The following TBL1XR1 variants were observed in gnomAD, a reference collection of about 807,000 sequenced individuals.
TBL1XR1 encodes the protein TBL1X/Y related 1.
Under a neutral mutation model 66.9 loss-of-function variants are expected in TBL1XR1, and 5 were observed. The ratio of observed to expected loss-of-function variants is 0.07; its 90% CI spans 0.04 to 0.16. The LOEUF (loss-of-function observed/expected upper bound fraction) is 0.16, where lower values mean the gene tolerates loss of function less well. Among genes scored for constraint, TBL1XR1 ranks in the 10% least tolerant of loss-of-function variants. The pLI, the probability that TBL1XR1 is intolerant of heterozygous loss-of-function variation, is 1.00. For synonymous variants in TBL1XR1, 210 were observed against 206.0 expected, an observed-to-expected ratio of 1.02 and a Z score of -0.17; for missense variants, 238 against 623.2, an observed-to-expected ratio of 0.38 and a Z score of 6.58.
At chr3:177,055,708 G>A (rs1321903734) in intron 3 of TBL1XR1, among the ~76,000 whole-genome samples, 1 of 152,104 alleles carries the variant, frequency 6.6e-6, no homozygotes, top group African/African-American at 2.4e-5. Context: ...AGACATAGCA[G>A]TAAAATCCTT....
chr3:177,056,448 A>G (rs1717814298), intron 3 of TBL1XR1, among the ~76,000 whole-genome samples: 1 of 152,188 alleles, frequency 6.6e-6, no homozygotes, highest in African/African-American at 2.4e-5. Flanking sequence ...ATGCATCTCA[A>G]GGTACTGCAG....
At chr3:177,105,917 G>A (rs1724823319) in intron 1 of TBL1XR1, among the ~76,000 whole-genome samples, 2 of 152,032 alleles carry the variant, frequency 1.3e-5, no homozygotes, top group Admixed American at 6.6e-5. Context: ...CAGGAGAGTC[G>A]CTTCTTTCAA....
chr3:177,149,331 A>C lies in TBL1XR1; in HGVS notation c.-122+47790T>G, dbSNP rs12054257. On this transcript the variant is annotated intron_variant, in intron 1 of 15. Coordinates refer to ENST00000457928, the MANE Select transcript of TBL1XR1 (RefSeq NM_024665.7). ...TTCCCAGAAGCTTGGACTTAAATCT[A>C]TATCTCTAGCACTCCCCCAATGACT... 2.0e-5 allele frequency among the ~76,000 whole-genome samples: 3 copies of C among 152,040 alleles called. No individual in the cohort carries two copies. The South Asian group carries it at 6.2e-4, about 31-fold the overall frequency.
intron 2 of TBL1XR1, among the ~76,000 whole-genome samples, chr3:177,082,303 A>T (rs1275297113): frequency 6.6e-6 from 1 of 152,136 alleles, no homozygotes; most frequent in Non-Finnish European, 1.5e-5. Flanking sequence ...AAAAATATCA[A>T]ACCCTTATAA....
At chr3:177,069,110 T>C (rs1719542330) in intron 2 of TBL1XR1, among the ~76,000 whole-genome samples, 1 of 152,176 alleles carries the variant, frequency 6.6e-6, no homozygotes, top group Non-Finnish European at 1.5e-5. Context: ...GTGTCATCTA[T>C]AAAATGAGAA....
intron 2 of TBL1XR1, chr3:177,080,050 T>C (rs1721206917): frequency 6.6e-6 from 1 of 152,176 alleles, no homozygotes; most frequent in Admixed American, 6.5e-5. Flanking sequence ...AAATGTAAGA[T>C]TTCTGTTAAC....
intron 1 of TBL1XR1, among the ~76,000 whole-genome samples, chr3:177,182,724 A>G (rs758840190): frequency 1.1e-4 from 16 of 152,052 alleles, no homozygotes; most frequent in Admixed American, 2.0e-4. Flanking sequence ...ACTAGTGGTC[A>G]TCATTGGCAA....
At position 177,189,274 on chromosome 3, in the gene TBL1XR1, C is replaced by A. The variant is rs551637843; in HGVS notation, c.-122+7847G>T. On this transcript the variant is annotated intron_variant, in intron 1 of 15. Coordinates refer to ENST00000457928, the MANE Select transcript of TBL1XR1 (RefSeq NM_024665.7). Reference sequence around the variant, plus strand: ...GGCTCACGCCTATAATCCCAGCACTCTGGGAAGCCGAGGTGGGCAGATAAC... The same window carrying A: ...GGCTCACGCCTATAATCCCAGCACTATGGGAAGCCGAGGTGGGCAGATAAC... Among the ~76,000 whole-genome samples, 27 of 146,820 alleles carry A rather than the reference C, an allele frequency of 1.8e-4. No homozygotes were observed. In the East Asian group the frequency reaches 5.3e-3, roughly 29 times the overall value.
chr3:177,108,520 T>C lies in TBL1XR1; in HGVS notation c.-121-9979A>G, dbSNP rs192182961. Among the ~76,000 whole-genome samples, 18 of 152,276 alleles carry C rather than the reference T, an allele frequency of 1.2e-4. No individual in the cohort carries two copies. The East Asian group carries it at 3.1e-3, about 26-fold the overall frequency. On this transcript the variant is annotated intron_variant, in intron 1 of 15. Coordinates refer to ENST00000457928, the MANE Select transcript of TBL1XR1 (RefSeq NM_024665.7). ...GACAGCTTGATAACAAGTATGAACATAGTGTTTGGCTTATTGTAAAGAAAA... is the reference window on the plus strand; with the variant it reads ...GACAGCTTGATAACAAGTATGAACACAGTGTTTGGCTTATTGTAAAGAAAA...
chr3:177,090,969 A>G (rs56786369), intron 2 of TBL1XR1, among the ~76,000 whole-genome samples: 3,692 of 152,044 alleles, frequency 0.024, 164 homozygotes, highest in African/African-American at 0.084. Flanking sequence ...TACCTGGGTG[A>G]CTGAGTGACA....
chr3:177,078,351 G>C (rs570239365), intron 2 of TBL1XR1, among the ~76,000 whole-genome samples: 13 of 152,060 alleles, frequency 8.5e-5, no homozygotes, highest in African/African-American at 1.4e-4. Flanking sequence ...CATCACTTTG[G>C]GGGGCAGAGG....
intron 1 of TBL1XR1, chr3:177,110,754 T>G (rs1379532092): frequency 6.6e-6 from 1 of 152,094 alleles, no homozygotes. Context: ...CAGAACTTAA[T>G]GAGAACGGGG....
intron 1 of TBL1XR1, among the ~76,000 whole-genome samples, chr3:177,195,979 G>T (rs1300217427): frequency 6.6e-6 from 1 of 152,090 alleles, no homozygotes; most frequent in African/African-American, 2.4e-5. Context: ...TTTCTCATTT[G>T]TAATCACCAA....
At chr3:177,069,820 G>A (rs1719718861) in intron 2 of TBL1XR1, among the ~76,000 whole-genome samples, 2 of 146,710 alleles carry the variant, frequency 1.4e-5, no homozygotes, top group Admixed American at 6.9e-5. Context: ...AAGGAAGGAA[G>A]GAAGGAAGGA....
chr3:177,036,630 T>C (rs1714826843), intron 12 of TBL1XR1, among the ~76,000 whole-genome samples: 1 of 152,184 alleles, frequency 6.6e-6, no homozygotes, highest in Non-Finnish European at 1.5e-5. Flanking sequence ...TTAATACGTG[T>C]GCACATAAGG....
At chr3:177,146,861 C>T (rs1173455733) in intron 1 of TBL1XR1, among the ~76,000 whole-genome samples, 1 of 152,086 alleles carries the variant, frequency 6.6e-6, no homozygotes, top group African/African-American at 2.4e-5. Flanking sequence ...TTAAAGAAGG[C>T]TGGTTCTGCT....
At chr3:177,165,951 A>G (rs1186999348) in intron 1 of TBL1XR1, among the ~76,000 whole-genome samples, 1 of 152,070 alleles carries the variant, frequency 6.6e-6, no homozygotes, top group African/African-American at 2.4e-5. Context: ...TTAGCTGGAC[A>G]TGGTGGTATG....
At chr3:177,163,012 C>T (rs897192361) in intron 1 of TBL1XR1, among the ~76,000 whole-genome samples, 1 of 152,136 alleles carries the variant, frequency 6.6e-6, no homozygotes, top group African/African-American at 2.4e-5. Context: ...TTTACAAATG[C>T]ACGTATCCTT....
rs980891991 is a variant in TBL1XR1, at chr3:177,196,905, TGA to T, written c.-122+214_-122+215del. Among the ~76,000 whole-genome samples, 420 of 150,382 alleles carry T rather than the reference TGA, an allele frequency of 2.8e-3. 2 individuals carry two copies. The highest frequency in any genetic ancestry group is 4.2e-3 in the East Asian group (21 of 5,000). On this transcript the variant is annotated intron_variant, in intron 1 of 15. Coordinates refer to ENST00000457928, the MANE Select transcript of TBL1XR1 (RefSeq NM_024665.7). ...GGCACGTGAGCATTTCAAAGAAACC[TGA>T]GAGAGGAAAACGGGGGGATGGGGGC...
Sources: allele counts gnomAD v4.1 joint callset (sites outside exome capture counted in the v4.1 genomes callset), GRCh38; gene constraint gnomAD v4.1.1; transcripts MANE v1.5; gene names NCBI Gene and HGNC (gene_info 2026-07-23, HGNC 2026-07-21).